Variants in SYNPO2 observed in about 807,000 individuals in gnomAD.
SYNPO2 encodes synaptopodin-2.
SYNPO2 carries 56 observed loss-of-function variants against 85.0 expected under a neutral mutation model. That is an observed-to-expected ratio of 0.66 (90% CI 0.53 to 0.82). SYNPO2 has a LOEUF of 0.82. Among genes scored for constraint, SYNPO2 ranks in the 40% least tolerant of loss-of-function variants. SYNPO2 has a pLI of 0.00. For synonymous variants in SYNPO2, 602 were observed against 591.1 expected (o/e 1.02, Z -0.27); for missense variants, 1,575 against 1,534.2 (o/e 1.03, Z -0.44).
chr4:119,023,295 A>G (rs1414087847), intron 1 of SYNPO2, 135 bp from the exon 2 acceptor site: 3 of 821,144 alleles, frequency 3.7e-6, no homozygotes, highest in Non-Finnish European at 5.6e-6. Context: ...AAGTATTTAA[A>G]TGGTCTTACA....
At chr4:118,853,753 A>G (rs560240658) in intron 1 of SYNPO2, among the ~76,000 whole-genome samples, 3 of 152,264 alleles carry the variant, frequency 2.0e-5, no homozygotes, top group African/African-American at 4.8e-5. Flanking sequence ...ATTGTAGCCA[A>G]TTATGCCATG....
intron 1 of SYNPO2, among the ~76,000 whole-genome samples, chr4:118,962,326 A>G (rs562005329): frequency 6.6e-6 from 1 of 152,240 alleles, no homozygotes; most frequent in Non-Finnish European, 1.5e-5. Flanking sequence ...CATCTTTGAC[A>G]TACTATGCTT....
intron 1 of SYNPO2, among the ~76,000 whole-genome samples, chr4:118,936,677 C>A (rs1171827471): frequency 6.6e-6 from 1 of 152,076 alleles, no homozygotes; most frequent in Non-Finnish European, 1.5e-5. Flanking sequence ...AGCTGTCTTC[C>A]ATCTATTTCT....
chr4:119,011,791 G>T (rs969586621), intron 1 of SYNPO2, among the ~76,000 whole-genome samples: 1 of 152,118 alleles, frequency 6.6e-6, no homozygotes, highest in African/African-American at 2.4e-5. Flanking sequence ...TCTTTGTGTT[G>T]CAATCTTAGC....
At chr4:118,923,983 C>T (rs1733630172) in intron 1 of SYNPO2, among the ~76,000 whole-genome samples, 1 of 151,190 alleles carries the variant, frequency 6.6e-6, no homozygotes, top group African/African-American at 2.4e-5. Flanking sequence ...TAATGATGAT[C>T]TCAGCTGGAA....
At chr4:118,928,795 T>C (rs1578558991) in intron 1 of SYNPO2, among the ~76,000 whole-genome samples, 1 of 152,334 alleles carries the variant, frequency 6.6e-6, no homozygotes, top group East Asian at 1.9e-4. Context: ...TTTGTATTTG[T>C]ATACTGATAT....
At chr4:118,864,368 A>G (rs1278556430) in intron 1 of SYNPO2, among the ~76,000 whole-genome samples, 2 of 152,210 alleles carry the variant, frequency 1.3e-5, no homozygotes, top group Admixed American at 1.3e-4. Flanking sequence ...CATATGGTCT[A>G]TCCTTGAGAA....
At chr4:118,988,002 T>C (rs1380411324) in intron 1 of SYNPO2, among the ~76,000 whole-genome samples, 1 of 152,200 alleles carries the variant, frequency 6.6e-6, no homozygotes, top group East Asian at 1.9e-4. Flanking sequence ...TCATTATTTT[T>C]CCCAAAGCCA....
chr4:118,992,085 A>G (rs928888736), intron 1 of SYNPO2, among the ~76,000 whole-genome samples: 1 of 152,200 alleles, frequency 6.6e-6, no homozygotes, highest in African/African-American at 2.4e-5. Context: ...AGAGGGCGGC[A>G]GGAGATGGTG....
chr4:118,851,661 C>T (rs1731421938), intron 1 of SYNPO2, among the ~76,000 whole-genome samples: 1 of 152,112 alleles, frequency 6.6e-6, no homozygotes, highest in African/African-American at 2.4e-5. Context: ...ATGTAAGTAA[C>T]ATTTTGATTA....
At position 118,960,523 on chromosome 4, in the gene SYNPO2, A is replaced by G. The variant is rs548249445; in HGVS notation, c.106-62907A>G. ...GGAAACTAATATATTAGGTAAATGT[A>G]TCTAATCTCTCATCTTCAAATTCCA... On this transcript the variant is annotated intron_variant, in intron 1 of 4. Coordinates refer to ENST00000307142, the MANE Select transcript of SYNPO2 (RefSeq NM_133477.3). Among the ~76,000 whole-genome samples, 10 of 152,228 alleles carry G rather than the reference A, an allele frequency of 6.6e-5. No individual in the cohort carries two copies. In the South Asian group the frequency reaches 1.5e-3, roughly 22 times the overall value.
At chr4:119,027,562 A>T in intron 3 of SYNPO2, 124 bp downstream of exon 3, 1 of 936,800 alleles carries the variant, frequency 1.1e-6, no homozygotes, top group South Asian at 2.3e-5. Context: ...GAAATATTTA[A>T]TTAATGCACA....
Position 118,945,455 on chromosome 4 carries a change from C to CAT in SYNPO2, c.105+56317_105+56318dup, listed in dbSNP as rs528935159. On this transcript the variant is annotated intron_variant, in intron 1 of 4. Coordinates refer to ENST00000307142, the MANE Select transcript of SYNPO2 (RefSeq NM_133477.3). Reference sequence around the variant, plus strand: ...ATATCTTAGGCAGGTGACACTGAAACATATCTTACCTGGGAGAAGAAAGTG... The same window carrying CAT: ...ATATCTTAGGCAGGTGACACTGAAACATATATCTTACCTGGGAGAAGAAAGTG... 1.5e-3 allele frequency among the ~76,000 whole-genome samples: 234 copies of CAT among 152,274 alleles called. 2 individuals are homozygous for CAT. Among genetic ancestry groups the CAT allele is most frequent in the African/African-American group, 5.3e-3 (221 of 41,548 alleles).
In SYNPO2 at chr4:119,001,445, A is replaced by G. The variant is rs141358536; in HGVS notation, c.106-21985A>G. 2.6e-3 allele frequency among the ~76,000 whole-genome samples: 390 copies of G among 152,360 alleles called. 3 individuals carry two copies. Among genetic ancestry groups the G allele is most frequent in the African/African-American group, 8.8e-3 (368 of 41,586 alleles). On this transcript the variant is annotated intron_variant, in intron 1 of 4. Transcript: ENST00000307142. ...TAACTGAAGAAATAGGTAAGTAGCT[A>G]TTTAACCCTTCATGTCCATAGCACA...
chr4:119,056,792 C>T (rs557102098), intron 4 of SYNPO2, among the ~76,000 whole-genome samples: 6 of 152,114 alleles, frequency 3.9e-5, no homozygotes, highest in African/African-American at 1.2e-4. Context: ...AGATTTTGAG[C>T]GGAAAAGGGC....
Position 118,889,109 on chromosome 4 carries a change from A to C in SYNPO2, c.73A>C (p.Lys25Gln). Residue 25 changes from lysine to glutamine, a missense_variant, in exon 1 of 5, where the codon AAG (lysine) becomes CAG (glutamine). Coordinates refer to ENST00000307142, the MANE Select transcript of SYNPO2 (RefSeq NM_133477.3). ...CTGGGGGTTCAGATTGCAAGGTGGC[A>C]AGGAGCAGAAGCAGCCCTTACAAGT... ...APWGFRLQGG[K>Q]EQKQPLQVAK... 1 of 1,614,186 alleles carries C rather than the reference A, an allele frequency of 6.2e-7. No homozygotes were observed. The highest frequency in any genetic ancestry group is 8.5e-7 in the Non-Finnish European group (1 of 1,180,022).
chr4:118,900,663 TTCTCTCTCTCTCTCTCTCTCTCTC>T (rs376467151), intron 1 of SYNPO2, among the ~76,000 whole-genome samples: 11 of 77,562 alleles, frequency 1.4e-4, no homozygotes, highest in African/African-American at 5.3e-4. Context: ...TAGAATCTCT[TTCTCTCTCTCTCTCTCTCTCTCTC>T]TCTCTCTCTC....
At chr4:119,001,337 T>A (rs1347875186) in intron 1 of SYNPO2, among the ~76,000 whole-genome samples, 2 of 152,252 alleles carry the variant, frequency 1.3e-5, no homozygotes, top group African/African-American at 4.8e-5. Flanking sequence ...TATATTTATA[T>A]TTAGATACTG....
intron 1 of SYNPO2, among the ~76,000 whole-genome samples, chr4:119,016,283 G>A (rs571518513): frequency 5.9e-5 from 9 of 152,166 alleles, no homozygotes; most frequent in African/African-American, 1.2e-4. Context: ...TTAGCTGTGC[G>A]TGGTGGTGGG....
Sources: allele counts gnomAD v4.1 joint callset (sites outside exome capture counted in the v4.1 genomes callset), GRCh38; gene constraint gnomAD v4.1.1; transcripts MANE v1.5; gene names NCBI Gene and HGNC (gene_info 2026-07-23, HGNC 2026-07-21).